CHCHD1: variants seen among roughly 807,000 people sequenced by gnomAD.
CHCHD1 encodes the protein coiled-coil-helix-coiled-coil-helix domain containing 1.
A neutral mutation model predicts 12.7 loss-of-function variants in CHCHD1; 12 were observed. The observed-to-expected ratio is 0.95, with a 90% confidence interval of 0.61 to 1.53. CHCHD1 has a LOEUF of 1.53. CHCHD1 is among the 40% of genes most tolerant of loss of function. The pLI, the probability that CHCHD1 is intolerant of heterozygous loss-of-function variation, is 0.00. For missense variants in CHCHD1, 151 were observed against 155.8 expected (o/e 0.97, Z 0.17); for synonymous variants, 57 against 62.4 (o/e 0.91, Z 0.41).
At chr10:73,782,287 C>A (rs762704938) in intron 1 of CHCHD1, 36 bp from the exon 2 acceptor site, 2 of 1,610,290 alleles carry the variant, frequency 1.2e-6, no homozygotes, top group African/African-American at 2.7e-5. Context: ...GGTGGGTCTT[C>A]TTGTGACTGA....
rs1365924360 is a variant in CHCHD1, at chr10:73,783,095, A to G, written c.265A>G (p.Ile89Val). The change falls in exon 3 of 3, where the codon ATA becomes GTA. Residue 89 changes from isoleucine to valine, a missense_variant. Transcript: ENST00000372833. The part of the protein sequence containing the change: ...RAQEARKMRS[I>V]QETLGESGSL... ...TCAGGAAGCCCGAAAGATGAGATCA[A>G]TACAGGAAACCCTGGGAGAGTCTGG... 6.2e-7 allele frequency: 1 copy of G among 1,613,656 alleles called. No individual in the cohort carries two copies. Among genetic ancestry groups the G allele is most frequent in the Non-Finnish European group, 8.5e-7 (1 of 1,179,918 alleles).
In CHCHD1 at chr10:73,782,133, G is replaced by A; in HGVS notation, c.58G>A (p.Val20Met). 1 of 1,613,718 alleles carries A rather than the reference G, an allele frequency of 6.2e-7. No homozygotes were observed. Residue 20 changes from valine (V) to methionine (M), a missense_variant, in exon 1 of 3, where the codon GTG (valine) becomes ATG (methionine). Physicochemically the swap from Val to Met is conservative, Grantham distance 21. Coordinates refer to ENST00000372833, the MANE Select transcript of CHCHD1 (RefSeq NM_203298.3). ...LARFGNPRKP[V>M]LKPNKPLILA... Reference sequence around the variant, plus strand: ...GCGGTTTGGGAACCCGCGGAAGCCTGTGCTGAAGCCCAATAAACCTCTCAT... The same window carrying A: ...GCGGTTTGGGAACCCGCGGAAGCCTATGCTGAAGCCCAATAAACCTCTCAT...
Position 73,782,369 on chromosome 10 carries a change from G to C in CHCHD1, c.171G>C (p.Lys57Asn). The C allele has an allele frequency of 6.2e-7, 1 of 1,614,226 alleles. No individual in the cohort carries two copies. ...TGTCGGTGATGATGGCTTGCTGGAA[G>C]CAGAATGAATTCCGCGACGATGCGT... Reference protein sequence around the residue: ...TEMSVMMACWKQNEFRDDACR... With the variant: ...TEMSVMMACWNQNEFRDDACR... The change falls in exon 2 of 3, where the codon AAG becomes AAC. Residue 57 changes from lysine to asparagine, a missense_variant. Physicochemically the swap from Lys to Asn is moderately conservative, Grantham distance 94. Transcript: ENST00000372833.
chr10:73,782,200 G>T lies in CHCHD1; in HGVS notation c.124+1G>T, dbSNP rs757331833. ...GGGGAGCGGCGCCGGGAGAAGGGCG[G>T]TGAGCAGTCGGAGTCAGGACGGCCC... On this transcript the variant is annotated splice_donor_variant, in intron 1 of 2. Transcript: ENST00000372833. LOFTEE classifies it high-confidence loss of function. 2.5e-6 allele frequency: 4 copies of T among 1,613,796 alleles called. No individual in the cohort carries two copies. Among genetic ancestry groups the T allele is most frequent in the Non-Finnish European group, 3.4e-6 (4 of 1,179,974 alleles).
At chr10:73,782,222 G>A (rs547189877) in intron 1 of CHCHD1, 23 bp downstream of exon 1, 1 of 1,613,078 alleles carries the variant, frequency 6.2e-7, no homozygotes, top group East Asian at 2.2e-5. Context: ...AGTCAGGACG[G>A]CCCCGGAGCG....
At position 73,783,066 on chromosome 10, in the gene CHCHD1, G is replaced by A. The variant is rs756520454; in HGVS notation, c.244-8G>A. 3 of 1,604,536 alleles carry A rather than the reference G, an allele frequency of 1.9e-6. No individual in the cohort carries two copies. In the East Asian group the frequency reaches 6.7e-5, roughly 36 times the overall value. On this transcript the variant is annotated splice_region_variant and splice_polypyrimidine_tract_variant and intron_variant, in intron 2 of 2. Coordinates refer to ENST00000372833, the MANE Select transcript of CHCHD1 (RefSeq NM_203298.3). ...GCTGTCATTCTTGTATTTGTTTTGT[G>A]TTTTCAGGAAGCCCGAAAGATGAGA...
At chr10:73,782,490 T>C (rs1326670465) in intron 2 of CHCHD1, 49 bp downstream of exon 2, 9 of 1,611,064 alleles carry the variant, frequency 5.6e-6, no homozygotes, top group South Asian at 4.4e-5. Context: ...ATGGGGGAGA[T>C]AGAAGTAATG....
In CHCHD1 at chr10:73,782,511, C is replaced by A. The variant is rs537894036; in HGVS notation, c.243+70C>A. 3.9e-5 allele frequency: 62 copies of A among 1,600,100 alleles called. No homozygotes were observed. The African/African-American group carries it at 8.2e-4, about 21-fold the overall frequency. On this transcript the variant is annotated intron_variant, in intron 2 of 2. Transcript: ENST00000372833. Reference sequence around the variant, plus strand: ...GAGATAGAAGTAATGATTCTCCCTGCCTTTTGCTAGGAAAGGCCCTTTCAT... The same window carrying A: ...GAGATAGAAGTAATGATTCTCCCTGACTTTTGCTAGGAAAGGCCCTTTCAT...
rs1439577987 is a variant in CHCHD1 at position 73,783,649 on chromosome 10, C to T, written c.*462C>T. 6.6e-6 allele frequency: 1 copy of T among 152,604 alleles called. No homozygotes were observed. Among genetic ancestry groups the T allele is most frequent in the African/African-American group, 2.4e-5 (1 of 41,380 alleles). The allele number at this position is 152,604 out of a possible 1,614,324, so 9.5% of individuals were successfully genotyped here. A position where few individuals can be genotyped will look rare whatever the true frequency, so the allele number is the denominator to read the frequency against. ...AATAATAAAGTTAACAAACTGGTGA[C>T]CTAGAGGTTCTGCAGATATGTTTTA... On this transcript the variant is annotated 3_prime_UTR_variant, in exon 3 of 3. Transcript: ENST00000372833.
chr10:73,782,785 C>A, intron 2 of CHCHD1: 1 of 569,968 alleles, frequency 1.8e-6, no homozygotes, highest in Non-Finnish European at 2.9e-6. Context: ...GAGACTAAAA[C>A]TAAATAATGA....
chr10:73,782,091 C>T lies in CHCHD1; in HGVS notation c.16C>T (p.Leu6=), dbSNP rs1267551205. Residue 6 remains leucine, a synonymous_variant, in exon 1 of 3, where the codon CTG becomes TTG. Coordinates refer to ENST00000372833, the MANE Select transcript of CHCHD1 (RefSeq NM_203298.3). The part of the protein sequence containing the change: MATPS[L]RGRLARFGNP... ...TTGGTGCGCTATGGCGACACCCAGC[C>T]TGCGGGGTCGTCTGGCGCGGTTTGG... 6.2e-7 allele frequency: 1 copy of T among 1,613,366 alleles called. No individual in the cohort carries two copies. Among genetic ancestry groups the T allele is most frequent in the Admixed American group, 1.7e-5 (1 of 60,022 alleles).
chr10:73,783,251 A>C lies in CHCHD1; in HGVS notation c.*64A>C. On this transcript the variant is annotated 3_prime_UTR_variant, in exon 3 of 3. Coordinates refer to ENST00000372833, the MANE Select transcript of CHCHD1 (RefSeq NM_203298.3). ...TGACAACTATGCAGAGGCATTTTAG[A>C]GACATTGGCATTGCCATGCCCTCTT... The C allele has an allele frequency of 3.2e-6, 4 of 1,264,804 alleles. No individual in the cohort carries two copies. The South Asian group carries it at 5.0e-5, about 16-fold the overall frequency. 78.3% of individuals were successfully genotyped at this position (1,264,804 alleles called of 1,614,324 possible).
intron 2 of CHCHD1, 52 bp downstream of exon 2, chr10:73,782,493 A>C: frequency 6.2e-7 from 1 of 1,610,062 alleles, no homozygotes; most frequent in Non-Finnish European, 8.5e-7. Context: ...GGGGAGATAG[A>C]AGTAATGATT....
chr10:73,782,872 C>A, intron 2 of CHCHD1: 1 of 597,006 alleles, frequency 1.7e-6, no homozygotes, highest in South Asian at 2.2e-5. Context: ...TTTGTAGGTC[C>A]CAACGCCCTT....
chr10:73,782,599 A>C (rs1191565060), intron 2 of CHCHD1, 158 bp downstream of exon 2: 19 of 1,446,952 alleles, frequency 1.3e-5, no homozygotes, highest in Admixed American at 3.0e-5. Flanking sequence ...AGGCTGTGTG[A>C]TCTTGACGGA....
Position 73,783,199 on chromosome 10 carries a change from T to C in CHCHD1, c.*12T>C. 6.4e-7 allele frequency: 1 copy of C among 1,567,766 alleles called. No individual in the cohort carries two copies. The highest frequency in any genetic ancestry group is 8.8e-7 in the Non-Finnish European group (1 of 1,138,734). On this transcript the variant is annotated 3_prime_UTR_variant, in exon 3 of 3. Transcript: ENST00000372833. ...CTTACCTCAGCTGAAAATGGACAAG[T>C]ATTTTCAATGACTGAAATATAGCTT...
At chr10:73,782,647 A>G in intron 2 of CHCHD1, 1 of 1,329,502 alleles carries the variant, frequency 7.5e-7, no homozygotes, top group African/African-American at 1.5e-5. Flanking sequence ...TACTGTACGT[A>G]AAATGAGGCT....
Position 73,782,095 on chromosome 10 carries a change from G to T in CHCHD1, c.20G>T (p.Arg7Leu). Residue 7 changes from arginine to leucine, a missense_variant, in exon 1 of 3, where the codon CGG becomes CTG. Transcript: ENST00000372833. ...TGCGCTATGGCGACACCCAGCCTGC[G>T]GGGTCGTCTGGCGCGGTTTGGGAAC... is the stretch of plus-strand genomic sequence containing the variant. MATPSL[R>L]GRLARFGNPR... 1 of 1,613,220 alleles carries T rather than the reference G, an allele frequency of 6.2e-7. No individual in the cohort carries two copies. Among genetic ancestry groups the T allele is most frequent in the Non-Finnish European group, 8.5e-7 (1 of 1,179,932 alleles).
Position 73,783,371 on chromosome 10 carries a change from G to T in CHCHD1, c.*184G>T. The T allele has an allele frequency of 1.8e-6, 1 of 555,688 alleles. No individual in the cohort carries two copies. Among genetic ancestry groups the T allele is most frequent in the Non-Finnish European group, 3.2e-6 (1 of 315,206 alleles). The allele number at this position is 555,688 out of a possible 1,614,324, so 34.4% of individuals were successfully genotyped here. ...ATCTTGAAATAAAATCCTCTGAACA[G>T]AACTTGGCCTTTTGTTGTGAATTAG... On this transcript the variant is annotated 3_prime_UTR_variant, in exon 3 of 3. Coordinates refer to ENST00000372833, the MANE Select transcript of CHCHD1 (RefSeq NM_203298.3).
Sources: gnomAD v4.1 joint callset for allele counts on GRCh38, gnomAD v4.1.1 for gene constraint, MANE v1.5 for transcripts, NCBI Gene and HGNC (gene_info 2026-07-23, HGNC 2026-07-21) for gene names.